The following DHRS12 variants were observed in gnomAD, a reference collection of about 807,000 sequenced individuals.
DHRS12 encodes dehydrogenase/reductase 12.
Under a neutral mutation model 32.1 loss-of-function variants are expected in DHRS12, and 29 were observed. That is an observed-to-expected ratio of 0.90 (90% CI 0.67 to 1.23). The LOEUF is 1.23. DHRS12 is among the 50% of genes most tolerant of loss of function. DHRS12 has a pLI of 0.00. For synonymous variants in DHRS12, 150 were observed against 135.9 expected, an observed-to-expected ratio of 1.10 and a Z score of -0.72; for missense variants, 330 against 337.2, an observed-to-expected ratio of 0.98 and a Z score of 0.17.
chr13:51,774,087 T>A, intron 5 of DHRS12, 53 bp from the exon 6 acceptor site: 1 of 1,542,084 alleles, frequency 6.5e-7, no homozygotes. Context: ...CCCCTTCCAC[T>A]CTTCACCCCC....
chr13:51,758,552 TAAAAAA>T, the DHRS12 span, among the ~76,000 whole-genome samples: 2 of 127,714 alleles, frequency 1.6e-5, no homozygotes, highest in African/African-American at 5.8e-5. Flanking sequence ...CCTCATCTCT[TAAAAAA>T]AAAAAAAAAA....
chr13:51,769,166 G>T lies in DHRS12; in HGVS notation c.687C>A (p.Arg229=). The change falls in exon 8 of 9, where the codon CGC becomes CGA. Residue 229 remains arginine, a synonymous_variant. Transcript: ENST00000444610. The part of the protein sequence containing the change: ...SSAAAAQPSG[R]FFQDRKPVST... ...CAGGGAGGAAGTCACCTTGAAAGAA[G>T]CGGCCGCTGGGCTGTGCGGCTGCGG... 6.5e-7 allele frequency: 1 copy of T among 1,550,146 alleles called. No homozygotes were observed. The highest frequency in any genetic ancestry group is 8.7e-7 in the Non-Finnish European group (1 of 1,147,582).
downstream of DHRS12, chr13:51,767,449 G>C (rs1953785066): frequency 6.6e-6 from 1 of 152,238 alleles, no homozygotes; most frequent in South Asian, 2.1e-4. Flanking sequence ...CCACTGAGAA[G>C]CTGCAGCCGT....
intron 1 of DHRS12, among the ~76,000 whole-genome samples, chr13:51,801,565 A>C (rs116423870): frequency 0.013 from 1,934 of 152,272 alleles, 41 homozygotes; most frequent in African/African-American, 0.045. Context: ...CCAAGCCTTC[A>C]AATCAGTAGG....
At chr13:51,786,242 G>A (rs1026890679) in intron 4 of DHRS12, among the ~76,000 whole-genome samples, 1 of 152,234 alleles carries the variant, frequency 6.6e-6, no homozygotes, top group Non-Finnish European at 1.5e-5. Context: ...AGCTGTCCTG[G>A]TGGAGATAGA....
intron 7 of DHRS12, chr13:51,770,984 A>T: frequency 2.2e-6 from 3 of 1,371,090 alleles, no homozygotes; most frequent in Non-Finnish European, 2.8e-6. Flanking sequence ...GGCTTCTGAT[A>T]AATAGTGATT....
chr13:51,773,855 G>A, intron 6 of DHRS12, 75 bp downstream of exon 6: 3 of 1,260,688 alleles, frequency 2.4e-6, no homozygotes, highest in Non-Finnish European at 2.3e-6. Flanking sequence ...GTGCATCCCA[G>A]AGTAAGCTTT....
intron 2 of DHRS12, among the ~76,000 whole-genome samples, chr13:51,792,008 AT>A (rs929446913): frequency 2.0e-5 from 3 of 152,228 alleles, no homozygotes; most frequent in Non-Finnish European, 4.4e-5. Flanking sequence ...GTCGATGGAC[AT>A]TTAAGTTGTT....
chr13:51,768,581 G>A (rs1168494012), intron 8 of DHRS12: 1 of 1,269,936 alleles, frequency 7.9e-7, no homozygotes, highest in Admixed American at 3.7e-5. Context: ...TACCCCAGGG[G>A]TCACCAGCGC....
At chr13:51,796,473 G>T (rs1955516245) in intron 2 of DHRS12, among the ~76,000 whole-genome samples, 1 of 152,168 alleles carries the variant, frequency 6.6e-6, no homozygotes, top group South Asian at 2.1e-4. Flanking sequence ...GGGGCAGTAG[G>T]CAAGGGCTTG....
intron 4 of DHRS12, among the ~76,000 whole-genome samples, chr13:51,778,733 C>A (rs1954561333): frequency 1.3e-5 from 2 of 152,028 alleles, no homozygotes; most frequent in African/African-American, 4.8e-5. Flanking sequence ...GGGAGGTGCT[C>A]AGCTCTCATT....
chr13:51,756,451 C>G, the DHRS12 span: 1 of 1,613,864 alleles, frequency 6.2e-7, no homozygotes, highest in African/African-American at 1.3e-5. Flanking sequence ...ACGAGGCCAT[C>G]ACAGATGAAG....
intron 2 of DHRS12, among the ~76,000 whole-genome samples, chr13:51,798,470 G>A (rs1352040255): frequency 6.6e-6 from 1 of 152,128 alleles, no homozygotes; most frequent in African/African-American, 2.4e-5. Flanking sequence ...GAATGCCTTC[G>A]CCGTGGCAGC....
At chr13:51,764,694 T>TTTTTC (rs1371627720), downstream of DHRS12, 1 of 152,220 alleles carries the variant, frequency 6.6e-6, no homozygotes, top group Non-Finnish European at 1.5e-5. Flanking sequence ...TATCAGTTTC[T>TTTTTC]TTTTCTTTGG....
chr13:51,785,014 A>T (rs925783373), intron 4 of DHRS12, among the ~76,000 whole-genome samples: 12 of 152,182 alleles, frequency 7.9e-5, no homozygotes, highest in Non-Finnish European at 1.8e-4. Context: ...GATCACCTGA[A>T]GTCAGGAGTT....
downstream of DHRS12, chr13:51,767,992 G>A: frequency 7.2e-7 from 1 of 1,396,230 alleles, no homozygotes; most frequent in Non-Finnish European, 9.3e-7. Context: ...TGCTGCAGGA[G>A]TTCAAGGTGA....
rs76721758 is a variant in DHRS12 at position 51,776,965 on chromosome 13, C to A, written c.363+95G>T. The A allele has an allele frequency of 2.9e-3, 4,086 of 1,410,352 alleles. 114 individuals carry two copies. In the African/African-American group the frequency reaches 0.052, roughly 18 times the overall value. The allele number at this position is 1,410,352 out of a possible 1,614,324, so 87.4% of individuals were successfully genotyped here. ...TTGCTGTGGATGTGGACAGAATGGC[C>A]CCCTTAGGGCAGTCAGGCAGCAAAC... On this transcript the variant is annotated intron_variant, in intron 5 of 8. Coordinates refer to ENST00000444610, the MANE Select transcript of DHRS12 (RefSeq NM_001377533.1).
At chr13:51,779,903 G>A (rs527239365) in intron 4 of DHRS12, among the ~76,000 whole-genome samples, 7 of 152,214 alleles carry the variant, frequency 4.6e-5, no homozygotes, top group African/African-American at 7.2e-5. Context: ...TCTCCTGGGC[G>A]TGGTGGCTCA....
chr13:51,760,057 G>C, the DHRS12 span: 1 of 318,916 alleles, frequency 3.1e-6, no homozygotes, highest in Non-Finnish European at 5.7e-6. Flanking sequence ...AATCTGTGTG[G>C]GGTGTTTAAT....
Sources: gnomAD v4.1 joint callset for allele counts (sites outside exome capture counted in the v4.1 genomes callset) on GRCh38, gnomAD v4.1.1 for gene constraint, MANE v1.5 for transcripts, NCBI Gene and HGNC (gene_info 2026-07-23, HGNC 2026-07-21) for gene names.